The following PYGO1 variants were observed in gnomAD, a reference collection of about 807,000 sequenced individuals.
PYGO1 encodes pygopus homolog 1.
PYGO1 carries 6 observed loss-of-function variants against 29.5 expected under a neutral mutation model. The observed-to-expected ratio is 0.20, with a 90% CI of 0.11 to 0.40. The LOEUF (loss-of-function observed/expected upper bound fraction) is 0.40, where lower values mean the gene tolerates loss of function less well. Ranked by LOEUF, PYGO1 falls within the 10% of genes least tolerant of loss-of-function variation. The probability of loss-of-function intolerance (pLI) is 1.00; values close to 1 mark genes in which losing one functional copy is unlikely to be tolerated. For missense variants in PYGO1, 515 were observed against 514.9 expected, an observed-to-expected ratio of 1.00 and a Z score of 0.00; for synonymous variants, 186 against 180.5, an observed-to-expected ratio of 1.03 and a Z score of -0.24.
intron 1 of PYGO1, among the ~76,000 whole-genome samples, chr15:55,562,407 C>T (rs1362555521): frequency 6.6e-6 from 1 of 152,204 alleles, no homozygotes; most frequent in Non-Finnish European, 1.5e-5. Flanking sequence ...CGTGGTGGCT[C>T]ATGCCTGTAA....
rs1268641048 is a variant in PYGO1, at chr15:55,546,081, A to G, written c.1202T>C (p.Val401Ala). The G allele has an allele frequency of 1.2e-6, 2 of 1,614,074 alleles. No homozygotes were observed. The highest frequency in any genetic ancestry group is 1.7e-6 in the Non-Finnish European group (2 of 1,180,032). Residue 401 changes from valine to alanine, a missense_variant, in exon 3 of 3, where the codon GTC becomes GCC. By Grantham distance (64) the Val-to-Ala change is moderately conservative. Transcript: ENST00000563719. The stretch of plus-strand genomic sequence containing the variant: ...AGTTTCTCTAGTACGCATTAACTGG[A>G]CATCTTTGTCAGCCATACAGGTATC... ...GCDTCMADKD[V>A]QLMRTRETFG...
intron 1 of PYGO1, among the ~76,000 whole-genome samples, chr15:55,575,138 T>C (rs1003661662): frequency 5.3e-5 from 8 of 152,200 alleles, no homozygotes; most frequent in Non-Finnish European, 1.2e-4. Flanking sequence ...CGAAAGCCTA[T>C]ATATGAAGTT....
chr15:55,563,059 C>T lies in PYGO1; in HGVS notation c.50-14064G>A, dbSNP rs75496803. Among the ~76,000 whole-genome samples, 679 of 151,404 alleles carry T rather than the reference C, an allele frequency of 4.5e-3. 8 individuals carry two copies. The highest frequency in any genetic ancestry group is 0.016 in the African/African-American group (642 of 41,222). On this transcript the variant is annotated intron_variant, in intron 1 of 2. Coordinates refer to ENST00000563719, the MANE Select transcript of PYGO1 (RefSeq NM_001367806.1). Reference sequence around the variant, plus strand: ...GTTTCTTAATTATAATGCCAAAGCACAAGAAACAAAAGAAAAAAAACATAA... The same window carrying T: ...GTTTCTTAATTATAATGCCAAAGCATAAGAAACAAAAGAAAAAAAACATAA...
intron 1 of PYGO1, among the ~76,000 whole-genome samples, chr15:55,578,416 A>C (rs1423482057): frequency 1.3e-5 from 2 of 152,086 alleles, no homozygotes; most frequent in Non-Finnish European, 2.9e-5. Flanking sequence ...TTTTATGTTT[A>C]ACTCTGAGAA....
In PYGO1 at chr15:55,543,058, G is replaced by A. The variant is rs575956168; in HGVS notation, c.*2965C>T. On this transcript the variant is annotated 3_prime_UTR_variant, in exon 3 of 3. Coordinates refer to ENST00000563719, the MANE Select transcript of PYGO1 (RefSeq NM_001367806.1). ...TTGAATTTAAGCAAAACTCAAGGAT[G>A]TTGGAGAAACTGTGGGGGGTGTGTG... The A allele has an allele frequency of 2.8e-4, 41 of 149,072 alleles. No individual in the cohort carries two copies. Among genetic ancestry groups the A allele is most frequent in the African/African-American group, 9.5e-4 (38 of 40,070 alleles). The allele number at this position is 149,072 out of a possible 1,614,324, so 9.2% of individuals were successfully genotyped here. A position where few individuals can be genotyped will look rare whatever the true frequency, so the allele number is the denominator to read the frequency against.
In PYGO1 at chr15:55,587,842, T is replaced by C. The variant is rs1253915998; in HGVS notation, c.42A>G (p.Arg14=). ...EQEKDPISLK[R]VRGGDSGLDG... ...GGCACCCTTCTCGGTTACCTCGAAC[T>C]CTCTTCAGCGAAATGGGATCCTTCT... Residue 14 remains arginine (R), a synonymous_variant, in exon 1 of 3, where the codon AGA becomes AGG. Transcript: ENST00000563719. 2.0e-6 allele frequency: 3 copies of C among 1,492,068 alleles called. No homozygotes were observed. The Admixed American group carries it at 6.4e-5, about 32-fold the overall frequency. The allele number at this position is 1,492,068 out of a possible 1,614,324, so 92.4% of individuals were successfully genotyped here.
chr15:55,563,269 A>T (rs931712684), intron 1 of PYGO1, among the ~76,000 whole-genome samples: 2 of 151,726 alleles, frequency 1.3e-5, no homozygotes. Context: ...CCTAACTGAA[A>T]AACGGCCAAA....
chr15:55,574,380 C>A (rs1046305696), intron 1 of PYGO1, among the ~76,000 whole-genome samples: 1 of 152,146 alleles, frequency 6.6e-6, no homozygotes, highest in Non-Finnish European at 1.5e-5. Flanking sequence ...CTCTCTACTG[C>A]AAATGGTGCC....
chr15:55,549,148 CTT>C (rs762496249), intron 1 of PYGO1, among the ~76,000 whole-genome samples, 153 bp from the exon 2 acceptor site: 1 of 152,030 alleles, frequency 6.6e-6, no homozygotes, highest in Non-Finnish European at 1.5e-5. Flanking sequence ...TCAAAAAAGT[CTT>C]TCCCATAGTT....
Position 55,543,908 on chromosome 15 carries a change from A to G in PYGO1, c.*2115T>C, listed in dbSNP as rs993826072. 6.6e-6 allele frequency: 1 copy of G among 152,206 alleles called. No homozygotes were observed. Among genetic ancestry groups the G allele is most frequent in the Non-Finnish European group, 1.5e-5 (1 of 68,034 alleles). 9.4% of individuals were successfully genotyped at this position (152,206 alleles called of 1,614,324 possible). ...TAGGTCCTTAAACATTTAGAGAAAT[A>G]TGTATAATAAAAAATCCAAGTAAAA... is the stretch of plus-strand genomic sequence containing the variant. On this transcript the variant is annotated 3_prime_UTR_variant, in exon 3 of 3. Coordinates refer to ENST00000563719, the MANE Select transcript of PYGO1 (RefSeq NM_001367806.1).
chr15:55,588,696 C>A (rs894777904), upstream of PYGO1: 1 of 1,257,582 alleles, frequency 8.0e-7, no homozygotes, highest in South Asian at 1.3e-5. Context: ...CCGCGGCCGA[C>A]GCTACCGGGC....
chr15:55,578,816 T>A (rs2059014487), intron 1 of PYGO1, among the ~76,000 whole-genome samples: 1 of 152,192 alleles, frequency 6.6e-6, no homozygotes, highest in African/African-American at 2.4e-5. Context: ...ACTGACAGTA[T>A]CCCTTGACAC....
At chr15:55,585,583 T>G (rs1220295048) in intron 1 of PYGO1, among the ~76,000 whole-genome samples, 1 of 152,224 alleles carries the variant, frequency 6.6e-6, no homozygotes, top group Non-Finnish European at 1.5e-5. Context: ...AAAAAGTGTT[T>G]TGTCTTTTAT....
At chr15:55,555,319 C>T (rs1166513797) in intron 1 of PYGO1, among the ~76,000 whole-genome samples, 4 of 151,976 alleles carry the variant, frequency 2.6e-5, no homozygotes, top group Middle Eastern at 3.4e-3. Flanking sequence ...TGAGGGAATT[C>T]GTCACCACTG....
intron 1 of PYGO1, among the ~76,000 whole-genome samples, chr15:55,574,047 G>C (rs1204490640): frequency 1.3e-5 from 2 of 152,148 alleles, no homozygotes; most frequent in African/African-American, 4.8e-5. Context: ...TGGCTTTTCT[G>C]TTTCTTGGGA....
chr15:55,554,671 G>C (rs559128915), intron 1 of PYGO1, among the ~76,000 whole-genome samples: 1 of 152,042 alleles, frequency 6.6e-6, no homozygotes, highest in African/African-American at 2.4e-5. Flanking sequence ...GTTTAAAGAG[G>C]AATATAGGTG....
chr15:55,572,393 A>G (rs1040028984), intron 1 of PYGO1, among the ~76,000 whole-genome samples: 10 of 152,248 alleles, frequency 6.6e-5, no homozygotes, highest in Admixed American at 1.3e-4. Flanking sequence ...AACTACTCAC[A>G]AAGATTAACT....
At chr15:55,555,501 T>C (rs112354869) in intron 1 of PYGO1, among the ~76,000 whole-genome samples, 37 of 121,676 alleles carry the variant, frequency 3.0e-4, no homozygotes, top group African/African-American at 1.1e-3. Flanking sequence ...TATAACAATA[T>C]TAACCTTAAA....
intron 1 of PYGO1, among the ~76,000 whole-genome samples, chr15:55,558,060 C>T (rs910022512): frequency 6.6e-6 from 1 of 152,142 alleles, no homozygotes; most frequent in African/African-American, 2.4e-5. Context: ...GTCAAATTGT[C>T]CCTGTTTGCA....
Sources: allele counts gnomAD v4.1 joint callset (sites outside exome capture counted in the v4.1 genomes callset), GRCh38; gene constraint gnomAD v4.1.1; transcripts MANE v1.5; gene names NCBI Gene and HGNC (gene_info 2026-07-23, HGNC 2026-07-21).